SRPK2: variants seen among roughly 807,000 people sequenced by gnomAD.
SRPK2 encodes the protein SRSF protein kinase 2.
SRPK2 carries 21 observed loss-of-function variants against 90.8 expected under a neutral mutation model. That is an observed-to-expected ratio of 0.23 (90% CI 0.16 to 0.33). The LOEUF (loss-of-function observed/expected upper bound fraction) is 0.33. Ranked by LOEUF, SRPK2 falls within the 10% of genes least tolerant of loss-of-function variation. The pLI, the probability that SRPK2 is intolerant of heterozygous loss-of-function variation, is 1.00. For missense variants in SRPK2, 620 were observed against 869.0 expected (o/e 0.71, Z 3.60); for synonymous variants, 288 against 311.1 (o/e 0.93, Z 0.78).
chr7:105,197,598 C>T (rs1795071948), intron 3 of SRPK2, among the ~76,000 whole-genome samples: 1 of 152,118 alleles, frequency 6.6e-6, no homozygotes, highest in African/African-American at 2.4e-5. Flanking sequence ...GGTTCAAATG[C>T]AGTGGAGTTA....
intron 2 of SRPK2, among the ~76,000 whole-genome samples, chr7:105,346,313 G>T (rs1011785542): frequency 1.3e-5 from 2 of 152,104 alleles, no homozygotes. Context: ...AGAAAGTGAA[G>T]GATTCTGCAC....
chr7:105,294,453 G>T (rs1488267791), intron 2 of SRPK2, among the ~76,000 whole-genome samples: 1 of 152,162 alleles, frequency 6.6e-6, no homozygotes, highest in African/African-American at 2.4e-5. Flanking sequence ...ACCATCCCTT[G>T]TGAGGTTTGA....
chr7:105,367,974 G>A (rs778060496), intron 2 of SRPK2, among the ~76,000 whole-genome samples: 19 of 152,164 alleles, frequency 1.2e-4, no homozygotes, highest in Non-Finnish European at 2.4e-4. Context: ...AACTGTATAC[G>A]CTTTTCAGTA....
At chr7:105,298,898 T>C in intron 2 of SRPK2, 3 of 553,236 alleles carry the variant, frequency 5.4e-6, no homozygotes, top group South Asian at 1.6e-4. Flanking sequence ...TCATACTCTG[T>C]TCAGCTCAGT....
At chr7:105,315,496 T>C (rs1347104397) in intron 2 of SRPK2, among the ~76,000 whole-genome samples, 1 of 152,190 alleles carries the variant, frequency 6.6e-6, no homozygotes, top group Non-Finnish European at 1.5e-5. Flanking sequence ...TGAACACTAA[T>C]GCACACTAAC....
chr7:105,129,827 G>A (rs1432804216), intron 13 of SRPK2, among the ~76,000 whole-genome samples: 1 of 152,126 alleles, frequency 6.6e-6, no homozygotes, highest in African/African-American at 2.4e-5. Context: ...CTCCTATGCT[G>A]AAGTATCCCG....
chr7:105,136,566 G>A (rs912502575), intron 11 of SRPK2, among the ~76,000 whole-genome samples: 13 of 152,178 alleles, frequency 8.5e-5, no homozygotes, highest in Non-Finnish European at 1.3e-4. Context: ...CTTCTGATAC[G>A]CTAGTCTTTG....
chr7:105,174,026 T>C lies in SRPK2; in HGVS notation c.230-4761A>G, dbSNP rs184457246. Among the ~76,000 whole-genome samples the C allele has an allele frequency of 2.4e-3, 359 of 150,640 alleles. 4 individuals carry two copies. The highest frequency in any genetic ancestry group is 3.0e-3 in the Non-Finnish European group (205 of 67,584). On this transcript the variant is annotated intron_variant, in intron 3 of 15. Coordinates refer to ENST00000393651, the MANE Select transcript of SRPK2 (RefSeq NM_182692.3). The stretch of plus-strand genomic sequence containing the variant: ...TTGGAAGGCTGAGGCAGGTGGATTG[T>C]TTGAGCCCAAGAGTTCGACACCAGC...
chr7:105,170,378 G>A (rs959917640), intron 3 of SRPK2, among the ~76,000 whole-genome samples: 1 of 151,882 alleles, frequency 6.6e-6, no homozygotes, highest in Admixed American at 6.6e-5. Flanking sequence ...CCTAACTCCT[G>A]CCTGGAAACA....
intron 2 of SRPK2, among the ~76,000 whole-genome samples, chr7:105,302,491 C>A (rs1810667041): frequency 6.6e-6 from 1 of 152,104 alleles, no homozygotes; most frequent in Non-Finnish European, 1.5e-5. Flanking sequence ...TAGTGCAATC[C>A]ATATTAATAG....
At chr7:105,279,225 G>A (rs558721742) in intron 2 of SRPK2, among the ~76,000 whole-genome samples, 10 of 152,200 alleles carry the variant, frequency 6.6e-5, no homozygotes, top group East Asian at 3.9e-4. Flanking sequence ...AGGAGGGAGC[G>A]GTGTTGGCGC....
chr7:105,258,110 C>CA (rs113541840), intron 2 of SRPK2, among the ~76,000 whole-genome samples: 63,285 of 145,780 alleles, frequency 0.43, 14,671 homozygotes, highest in Non-Finnish European at 0.53. Context: ...TCTCCAAAAA[C>CA]AAAAAAAAAA....
intron 2 of SRPK2, among the ~76,000 whole-genome samples, chr7:105,282,347 A>C (rs1807456247): frequency 1.3e-5 from 2 of 152,238 alleles, no homozygotes; most frequent in Non-Finnish European, 2.9e-5. Flanking sequence ...CTAAATATAA[A>C]GGCTAAAACT....
chr7:105,384,629 T>C (rs1821322738), intron 2 of SRPK2, among the ~76,000 whole-genome samples: 2 of 152,192 alleles, frequency 1.3e-5, no homozygotes, highest in Non-Finnish European at 2.9e-5. Context: ...GGAAAATTAA[T>C]CAAAAAGCAA....
At chr7:105,176,581 ATG>A (rs1791894356) in intron 3 of SRPK2, among the ~76,000 whole-genome samples, 2 of 66,546 alleles carry the variant, frequency 3.0e-5, no homozygotes, top group Non-Finnish European at 6.1e-5. Flanking sequence ...GTGTGTGTGT[ATG>A]TATATATGTG....
At chr7:105,284,046 G>C (rs1035373761) in intron 2 of SRPK2, among the ~76,000 whole-genome samples, 11 of 152,112 alleles carry the variant, frequency 7.2e-5, no homozygotes, top group African/African-American at 2.4e-4. Flanking sequence ...CAAGTTACTT[G>C]GGCGTTTTTT....
chr7:105,350,332 A>G (rs184703278), intron 2 of SRPK2, among the ~76,000 whole-genome samples: 42 of 150,562 alleles, frequency 2.8e-4, no homozygotes, highest in Admixed American at 2.4e-3. Flanking sequence ...GGGTTTCACC[A>G]TGTTGGCCAG....
intron 2 of SRPK2, among the ~76,000 whole-genome samples, chr7:105,259,874 CA>C (rs1803954557): frequency 6.6e-6 from 1 of 152,144 alleles, no homozygotes. Context: ...ACACCATATA[CA>C]AAAATTAACT....
Position 105,203,716 on chromosome 7 carries a change from AGGTGGC to A in SRPK2, c.135_140del (p.Pro46_Pro47del). 1 of 1,419,440 alleles carries A rather than the reference AGGTGGC, an allele frequency of 7.0e-7. No homozygotes were observed. The highest frequency in any genetic ancestry group is 1.5e-5 in the African/African-American group (1 of 68,532). 87.9% of individuals were successfully genotyped at this position (1,419,440 alleles called of 1,614,324 possible). A position where few individuals can be genotyped will look rare whatever the true frequency, so the allele number is the denominator to read the frequency against. Reference sequence around the variant, plus strand: ...GCTCCGGGGGTGTGGGGTCTGGCAAAGGTGGCGGTGGTGGTGGTGGTGGCGGTGGAG... The same window carrying A: ...GCTCCGGGGGTGTGGGGTCTGGCAAAGGTGGTGGTGGTGGTGGCGGTGGAG... On this transcript the variant is annotated inframe_deletion, in exon 3 of 16. Transcript: ENST00000393651.
Sources: allele counts gnomAD v4.1 joint callset (sites outside exome capture counted in the v4.1 genomes callset), GRCh38; gene constraint gnomAD v4.1.1; transcripts MANE v1.5; gene names NCBI Gene and HGNC (gene_info 2026-07-23, HGNC 2026-07-21).